The following ITPR1 variants were observed in gnomAD, a reference collection of about 807,000 sequenced individuals.
The protein encoded by ITPR1 is inositol 1,4,5-trisphosphate-gated calcium channel ITPR1.
ITPR1 carries 96 observed loss-of-function variants against 318.4 expected under a neutral mutation model. The ratio of observed to expected loss-of-function variants is 0.30; its 90% CI spans 0.26 to 0.36. ITPR1 has a LOEUF of 0.36. ITPR1 is among the 10% of genes least tolerant of loss of function. The pLI, the probability that ITPR1 is intolerant of heterozygous loss-of-function variation, is 1.00. For synonymous variants in ITPR1, 1,312 were observed against 1,289.9 expected, an observed-to-expected ratio of 1.02 and a Z score of -0.37; for missense variants, 2,440 against 3,460.2, an observed-to-expected ratio of 0.71 and a Z score of 7.40.
intron 24 of ITPR1, 89 bp from the exon 25 acceptor site, chr3:4,680,464 C>A: frequency 8.4e-7 from 1 of 1,184,186 alleles, no homozygotes; most frequent in Non-Finnish European, 1.2e-6. Context: ...GCAGCTGATA[C>A]CAGGCCCCGC....
chr3:4,530,862 TGA>T (rs2083360125), intron 4 of ITPR1, among the ~76,000 whole-genome samples: 1 of 152,172 alleles, frequency 6.6e-6, no homozygotes, highest in African/African-American at 2.4e-5. Context: ...TCTCATTCTC[TGA>T]GAGTGTCTTC....
intron 39 of ITPR1, among the ~76,000 whole-genome samples, chr3:4,714,222 C>T (rs904768184): frequency 6.6e-6 from 1 of 152,206 alleles, no homozygotes; most frequent in Admixed American, 6.5e-5. Context: ...AGCCAAAGAA[C>T]TAAGCTTTCT....
chr3:4,613,712 A>G (rs760754081), intron 4 of ITPR1, among the ~76,000 whole-genome samples: 1 of 152,204 alleles, frequency 6.6e-6, no homozygotes, highest in African/African-American at 2.4e-5. Flanking sequence ...CATGAAGGGA[A>G]AATTTGTTTT....
intron 5 of ITPR1, among the ~76,000 whole-genome samples, chr3:4,628,179 C>A (rs1211009699): frequency 6.6e-6 from 1 of 152,186 alleles, no homozygotes; most frequent in Non-Finnish European, 1.5e-5. Context: ...AATCCTGCCT[C>A]CACCACTCAG....
chr3:4,718,391 C>G (rs1248522497), intron 40 of ITPR1, among the ~76,000 whole-genome samples: 2 of 152,232 alleles, frequency 1.3e-5, no homozygotes, highest in Non-Finnish European at 2.9e-5. Context: ...ATAGAACATG[C>G]TGTCTACTCT....
chr3:4,681,553 G>A, intron 26 of ITPR1, 135 bp downstream of exon 26: 1 of 651,572 alleles, frequency 1.5e-6, no homozygotes, highest in Non-Finnish European at 2.8e-6. Flanking sequence ...GGAACTGTTA[G>A]TACTCAAGTC....
At chr3:4,829,704 G>T (rs2050314598) in intron 60 of ITPR1, among the ~76,000 whole-genome samples, 1 of 151,998 alleles carries the variant, frequency 6.6e-6, no homozygotes, top group Non-Finnish European at 1.5e-5. Flanking sequence ...TGGATACATT[G>T]ATATTAATGT....
chr3:4,502,927 C>T (rs2081130492), intron 2 of ITPR1, among the ~76,000 whole-genome samples: 1 of 151,388 alleles, frequency 6.6e-6, no homozygotes, highest in Admixed American at 6.6e-5. Context: ...ACTAAAATTA[C>T]AAAAAAAATT....
intron 4 of ITPR1, among the ~76,000 whole-genome samples, chr3:4,543,653 G>T (rs2084686081): frequency 6.6e-6 from 1 of 152,102 alleles, no homozygotes; most frequent in Admixed American, 6.5e-5. Flanking sequence ...CTGTTGGCCA[G>T]GCTGGTCTTG....
chr3:4,612,863 G>T (rs1039083662), intron 4 of ITPR1, among the ~76,000 whole-genome samples: 3 of 152,164 alleles, frequency 2.0e-5, no homozygotes, highest in African/African-American at 7.2e-5. Flanking sequence ...CTCCAGCCTG[G>T]GTGACAGAGT....
intron 4 of ITPR1, among the ~76,000 whole-genome samples, chr3:4,563,325 T>G (rs1405611968): frequency 6.6e-6 from 1 of 151,880 alleles, no homozygotes; most frequent in African/African-American, 2.4e-5. Flanking sequence ...CCGGGCAACA[T>G]AGGGACACCG....
intron 4 of ITPR1, among the ~76,000 whole-genome samples, chr3:4,560,643 G>C (rs1454512480): frequency 6.6e-6 from 1 of 152,020 alleles, no homozygotes; most frequent in Non-Finnish European, 1.5e-5. Context: ...CTTTCAAGGA[G>C]AAAGAAAAAA....
At chr3:4,618,840 A>C (rs1475223163) in intron 4 of ITPR1, among the ~76,000 whole-genome samples, 1 of 152,214 alleles carries the variant, frequency 6.6e-6, no homozygotes, top group African/African-American at 2.4e-5. Context: ...AGCATTAAGC[A>C]TATTAAGCAT....
intron 2 of ITPR1, among the ~76,000 whole-genome samples, chr3:4,505,934 A>G (rs1035259121): frequency 1.3e-5 from 2 of 152,246 alleles, no homozygotes; most frequent in African/African-American, 4.8e-5. Flanking sequence ...TCTGCTGATT[A>G]TAAGCCTAAG....
intron 4 of ITPR1, among the ~76,000 whole-genome samples, chr3:4,560,941 T>G (rs965399366): frequency 2.6e-5 from 4 of 152,180 alleles, no homozygotes; most frequent in Admixed American, 2.6e-4. Context: ...CCTAGACAAC[T>G]TGGGGGCCAA....
chr3:4,779,551 A>G lies in ITPR1; in HGVS notation c.6293A>G (p.Asn2098Ser). The change falls in exon 49 of 62, where the codon AAC (asparagine) becomes AGC (serine). Residue 2098 changes from asparagine to serine, a missense_variant and splice_region_variant. Physicochemically the swap from Asn to Ser is conservative, Grantham distance 46. Coordinates refer to ENST00000649015, the MANE Select transcript of ITPR1 (RefSeq NM_001378452.1). This position sits in a 1 kb window ranked among gnomAD's most constrained non-coding sequence, Gnocchi z 4.0. ...CTCTCCCTTTGTTTCTCCAACTAGAACAATGCCTCGAAGTTGCTCCTGGCC... is the reference window on the plus strand; with the variant it reads ...CTCTCCCTTTGTTTCTCCAACTAGAGCAATGCCTCGAAGTTGCTCCTGGCC... ...KRMDLVLELK[N>S]NASKLLLAIM... is the part of the protein sequence containing the mutation. 2 of 1,610,958 alleles carry G rather than the reference A, an allele frequency of 1.2e-6. No individual in the cohort carries two copies. Among genetic ancestry groups the G allele is most frequent in the Non-Finnish European group, 1.7e-6 (2 of 1,177,688 alleles).
chr3:4,674,120 A>G, intron 21 of ITPR1, 82 bp from the exon 22 acceptor site: 4 of 1,148,702 alleles, frequency 3.5e-6, no homozygotes, highest in Non-Finnish European at 5.0e-6. Flanking sequence ...GGGGATGTTG[A>G]CTTTTGAAGC....
chr3:4,502,103 C>T (rs556462611), intron 2 of ITPR1, among the ~76,000 whole-genome samples: 2 of 152,354 alleles, frequency 1.3e-5, no homozygotes, highest in South Asian at 2.1e-4. Flanking sequence ...GCTGATACGA[C>T]ACCCAGACGA....
intron 52 of ITPR1, among the ~76,000 whole-genome samples, chr3:4,790,859 C>T (rs1245313492): frequency 6.6e-6 from 1 of 152,204 alleles, no homozygotes; most frequent in Non-Finnish European, 1.5e-5. Flanking sequence ...CTCTAGAACA[C>T]ACACATAGTC....
Sources: gnomAD v4.1 joint callset for allele counts (sites outside exome capture counted in the v4.1 genomes callset) on GRCh38, gnomAD v4.1.1 for gene constraint, Gnocchi (gnomAD v3.1) non-coding constraint, MANE v1.5 for transcripts, NCBI Gene and HGNC (gene_info 2026-07-23, HGNC 2026-07-21) for gene names.